Variants in RNF10 observed in about 807,000 individuals in gnomAD.
RNF10 encodes the protein ring finger protein 10, also known as E3 ubiquitin-protein ligase RNF10.
A neutral mutation model predicts 91.4 loss-of-function variants in RNF10; 38 were observed. That is an observed-to-expected ratio of 0.42 (90% confidence interval 0.32 to 0.54). The LOEUF (loss-of-function observed/expected upper bound fraction) is 0.54, where lower values mean the gene tolerates loss of function less well. RNF10 is among the 20% of genes least tolerant of loss of function. The pLI is 0.16. For synonymous variants in RNF10, 364 were observed against 366.3 expected (o/e 0.99, Z 0.07); for missense variants, 945 against 1,012.0 (o/e 0.93, Z 0.90).
At chr12:120,567,818 A>G (rs1875992737) in intron 13 of RNF10, among the ~76,000 whole-genome samples, 1 of 152,070 alleles carries the variant, frequency 6.6e-6, no homozygotes. Context: ...TGGGTTTTAA[A>G]AAAACACCAC....
chr12:120,551,636 T>G (rs1203739383), intron 2 of RNF10, among the ~76,000 whole-genome samples: 1 of 151,296 alleles, frequency 6.6e-6, no homozygotes, highest in African/African-American at 2.4e-5. Context: ...TAGATTTTAT[T>G]TTTTAGACAC....
intron 2 of RNF10, among the ~76,000 whole-genome samples, chr12:120,548,647 A>AT (rs772254824): frequency 6.4e-5 from 9 of 141,370 alleles, no homozygotes; most frequent in Admixed American, 5.2e-4. Flanking sequence ...AGCTTGAGGG[A>AT]TTTTTTTTCT....
intron 2 of RNF10, among the ~76,000 whole-genome samples, chr12:120,549,825 A>G (rs201011098): frequency 2.0e-5 from 3 of 152,252 alleles, no homozygotes; most frequent in Non-Finnish European, 4.4e-5. Context: ...ATAAAAATTT[A>G]AAAAAGGAAG....
chr12:120,546,643 G>A (rs1365730738), intron 2 of RNF10, 42 bp downstream of exon 2: 1 of 1,540,326 alleles, frequency 6.5e-7, no homozygotes, highest in Non-Finnish European at 8.9e-7. Flanking sequence ...ATAAGCATGA[G>A]ATCTGATCCC....
rs1490550732 is a variant in RNF10, at chr12:120,563,340, G to T, written c.1255-7G>T. ...CCTTTCTGTTGACTTAGAGTTTGCTGCAACAGGGTGTGCTGGAGTATCTGT... is the reference window on the plus strand; with the variant it reads ...CCTTTCTGTTGACTTAGAGTTTGCTTCAACAGGGTGTGCTGGAGTATCTGT... On this transcript the variant is annotated splice_region_variant and splice_polypyrimidine_tract_variant and intron_variant, in intron 8 of 16. Coordinates refer to ENST00000325954, the MANE Select transcript of RNF10 (RefSeq NM_014868.5). 1 of 1,603,036 alleles carries T rather than the reference G, an allele frequency of 6.2e-7. No individual in the cohort carries two copies. The highest frequency in any genetic ancestry group is 1.7e-5 in the Admixed American group (1 of 58,956).
In RNF10 at chr12:120,546,419, A is replaced by G; in HGVS notation, c.172A>G (p.Ser58Gly). 1 of 1,610,898 alleles carries G rather than the reference A, an allele frequency of 6.2e-7. No individual in the cohort carries two copies. Among genetic ancestry groups the G allele is most frequent in the East Asian group, 2.2e-5 (1 of 44,866 alleles). Residue 58 changes from serine to glycine, a missense_variant, in exon 2 of 17, where the codon AGT (serine) becomes GGT (glycine). By Grantham distance (56) the Ser-to-Gly change is moderately conservative (BLOSUM62 0). Transcript: ENST00000325954. ...CTTGCTTTCAGATGGAAAGAACTCC[A>G]GTGGATCCAAGCGTTATAATCGCAA... The part of the protein sequence containing the change: ...SKPKSDGKNS[S>G]GSKRYNRKRE...
chr12:120,556,154 G>A (rs1489548170), intron 4 of RNF10, among the ~76,000 whole-genome samples: 1 of 152,076 alleles, frequency 6.6e-6, no homozygotes, highest in East Asian at 1.9e-4. Flanking sequence ...GTATCCCCTT[G>A]TTGGTCCTAG....
At chr12:120,545,857 C>T (rs1181911467) in intron 1 of RNF10, among the ~76,000 whole-genome samples, 1 of 152,196 alleles carries the variant, frequency 6.6e-6, no homozygotes, top group East Asian at 1.9e-4. Flanking sequence ...GCTTTTAGAG[C>T]TCAACTTCTT....
rs538999837 is a variant in RNF10, at chr12:120,574,466, A to C, written c.2143-1165A>C. 9.0e-4 allele frequency: 410 copies of C among 456,110 alleles called. 3 individuals are homozygous for C. The highest frequency in any genetic ancestry group is 2.6e-3 in the Admixed American group (109 of 42,582). 28.3% of individuals were successfully genotyped at this position (456,110 alleles called of 1,614,324 possible). On this transcript the variant is annotated intron_variant, in intron 14 of 16. Transcript: ENST00000325954. ...ATTGTTCTGATTTTATTGTCCTTGC[A>C]GGAATTTTACTGGCCTGTGGTTGGA...
At chr12:120,571,825 GA>G (rs1161558858) in intron 14 of RNF10, among the ~76,000 whole-genome samples, 1 of 152,148 alleles carries the variant, frequency 6.6e-6, no homozygotes, top group Non-Finnish European at 1.5e-5. Context: ...GAGAGGGGAA[GA>G]TTGTCTTGGT....
At chr12:120,542,857 G>C (rs1166266292) in intron 1 of RNF10, among the ~76,000 whole-genome samples, 30 of 152,038 alleles carry the variant, frequency 2.0e-4, no homozygotes, top group Admixed American at 2.0e-3. Flanking sequence ...GCCTTAAATT[G>C]TAACTAAGGT....
intron 14 of RNF10, among the ~76,000 whole-genome samples, chr12:120,572,145 T>C (rs77955762): frequency 0.18 from 27,298 of 151,398 alleles, 2,609 homozygotes; most frequent in Middle Eastern, 0.24. Context: ...TGGCTTGCTG[T>C]AAGCTCCGCC....
In RNF10 at chr12:120,576,668, A is replaced by G. The variant is rs1877435248; in HGVS notation, c.*2A>G. 2 of 1,610,608 alleles carry G rather than the reference A, an allele frequency of 1.2e-6. No homozygotes were observed. Among genetic ancestry groups the G allele is most frequent in the African/African-American group, 1.3e-5 (1 of 74,736 alleles). On this transcript the variant is annotated 3_prime_UTR_variant, in exon 17 of 17. Transcript: ENST00000325954. ...ACCTCAGTCGTCCACACCAAGTGAC[A>G]CTACTGGCCCAGGCTACCTTCTCCA...
intron 1 of RNF10, among the ~76,000 whole-genome samples, chr12:120,542,380 G>A (rs1167717): frequency 0.024 from 3,592 of 152,040 alleles, 63 homozygotes; most frequent in Non-Finnish European, 0.038. Flanking sequence ...TCGCAAACTC[G>A]TGGACTCAAG....
In RNF10 at chr12:120,567,863, GT is replaced by G. The variant is rs1818855500; in HGVS notation, c.2041+884del. Among the ~76,000 whole-genome samples, 77 of 150,874 alleles carry G rather than the reference GT, an allele frequency of 5.1e-4. No homozygotes were observed. The East Asian group carries it at 6.2e-3, about 12-fold the overall frequency. On this transcript the variant is annotated intron_variant, in intron 13 of 16. Coordinates refer to ENST00000325954, the MANE Select transcript of RNF10 (RefSeq NM_014868.5). ...AAAACTAAAGCATTTCATTATGGGT[GT>G]GTGTGTGTGTGTGTGTGTATGTATA... is the stretch of plus-strand genomic sequence containing the variant.
At chr12:120,574,545 G>T in intron 14 of RNF10, 1 of 456,110 alleles carries the variant, frequency 2.2e-6, no homozygotes, top group Non-Finnish European at 4.4e-6. Context: ...AAGGTAGTGA[G>T]GGGCTGTTGA....
chr12:120,562,244 A>ATAT (rs1452148414), intron 7 of RNF10, among the ~76,000 whole-genome samples: 1 of 138,740 alleles, frequency 7.2e-6, no homozygotes, highest in Non-Finnish European at 1.6e-5. Flanking sequence ...CATGTGTGCG[A>ATAT]TATTTGGTTT....
chr12:120,556,969 A>G (rs999550851), intron 4 of RNF10, among the ~76,000 whole-genome samples: 1 of 151,700 alleles, frequency 6.6e-6, no homozygotes, highest in East Asian at 1.9e-4. Context: ...TGGCTAACAC[A>G]GTGAAACCCC....
chr12:120,567,083 C>A (rs2137244722), intron 13 of RNF10, 103 bp downstream of exon 13: 1 of 1,118,328 alleles, frequency 8.9e-7, no homozygotes, highest in East Asian at 2.5e-5. Flanking sequence ...GTGTGGACTT[C>A]AGGGGCATAA....
Sources: allele counts gnomAD v4.1 joint callset (sites outside exome capture counted in the v4.1 genomes callset), GRCh38; gene constraint gnomAD v4.1.1; transcripts MANE v1.5; gene names NCBI Gene and HGNC (gene_info 2026-07-23, HGNC 2026-07-21).